The following TMEM248 variants were observed in gnomAD, a reference collection of about 807,000 sequenced individuals.
The protein encoded by TMEM248 is transmembrane protein 248.
TMEM248 carries 9 observed loss-of-function variants against 30.3 expected under a neutral mutation model. That is an observed-to-expected ratio of 0.30 (90% confidence interval 0.18 to 0.52). The LOEUF is 0.52. TMEM248 is among the 20% of genes least tolerant of loss of function. TMEM248 has a pLI of 0.97. For missense variants in TMEM248, 338 were observed against 403.3 expected, an observed-to-expected ratio of 0.84 and a Z score of 1.39; for synonymous variants, 184 against 154.4, an observed-to-expected ratio of 1.19 and a Z score of -1.42.
At chr7:66,931,318 AAAAG>A (rs1269374689) in intron 1 of TMEM248, among the ~76,000 whole-genome samples, 34 of 150,114 alleles carry the variant, frequency 2.3e-4, no homozygotes, top group Non-Finnish European at 4.1e-4. Flanking sequence ...AAAAAAAAAA[AAAAG>A]AACAGTTTAA....
chr7:66,926,947 A>G (rs1791542221), intron 1 of TMEM248, among the ~76,000 whole-genome samples: 1 of 152,170 alleles, frequency 6.6e-6, no homozygotes, highest in Non-Finnish European at 1.5e-5. Flanking sequence ...GCTGTTTTTC[A>G]AACATGTCCC....
intron 1 of TMEM248, among the ~76,000 whole-genome samples, chr7:66,924,558 C>T (rs1374771292): frequency 6.6e-6 from 1 of 152,300 alleles, no homozygotes; most frequent in South Asian, 2.1e-4. Flanking sequence ...ATGCCCGCCA[C>T]CATGCCTGGC....
chr7:66,933,082 A>G (rs906076261), intron 1 of TMEM248, among the ~76,000 whole-genome samples: 3 of 151,566 alleles, frequency 2.0e-5, no homozygotes, highest in Non-Finnish European at 4.4e-5. Context: ...CTGGTCTCGA[A>G]CTCCTGACCT....
At chr7:66,939,180 A>G (rs529012521) in intron 1 of TMEM248, among the ~76,000 whole-genome samples, 1 of 152,344 alleles carries the variant, frequency 6.6e-6, no homozygotes, top group East Asian at 1.9e-4. Flanking sequence ...CTGCTGGGGA[A>G]GTGTAAACTG....
rs575585827 is a variant in TMEM248 at position 66,947,803 on chromosome 7, G to A, written c.446-741G>A. Among the ~76,000 whole-genome samples the A allele has an allele frequency of 8.0e-5, 12 of 149,290 alleles. No individual in the cohort carries two copies. The East Asian group carries it at 1.2e-3, about 15-fold the overall frequency. On this transcript the variant is annotated intron_variant, in intron 3 of 6. Transcript: ENST00000341567. ...TTTTGAGACTGGGTCTTGATCTGTC[G>A]CCAGGCTAGAGTGCAGTGGTGTGAT...
intron 1 of TMEM248, among the ~76,000 whole-genome samples, chr7:66,934,416 A>G (rs1384743209): frequency 6.6e-6 from 1 of 152,088 alleles, no homozygotes; most frequent in Non-Finnish European, 1.5e-5. Flanking sequence ...AGTCAGGCAG[A>G]TCTCGAACGC....
At chr7:66,951,423 C>T (rs1221468217) in intron 5 of TMEM248, 1 of 281,102 alleles carries the variant, frequency 3.6e-6, no homozygotes, top group Admixed American at 5.2e-5. Context: ...TACAAGGGAT[C>T]CTTCTATTAA....
rs1423975580 is a variant in TMEM248, at chr7:66,948,616, T to G, written c.518T>G (p.Leu173Arg). ...PTAWSSDDCA[L>R]HGHCEQVVFT... ...GCGTGGAGCTCAGATGACTGCGCCC[T>G]CCACGGTCACTGTGAGCAGGTGGTA... The change falls in exon 4 of 7, where the codon CTC becomes CGC. Residue 173 changes from leucine to arginine, a missense_variant. Physicochemically the swap from Leu to Arg is moderately radical, Grantham distance 102. Coordinates refer to ENST00000341567, the MANE Select transcript of TMEM248 (RefSeq NM_017994.5). The G allele has an allele frequency of 3.1e-6, 5 of 1,614,140 alleles. No individual in the cohort carries two copies. The highest frequency in any genetic ancestry group is 4.2e-6 in the Non-Finnish European group (5 of 1,179,992).
At chr7:66,932,660 G>A (rs960442436) in intron 1 of TMEM248, among the ~76,000 whole-genome samples, 2 of 147,314 alleles carry the variant, frequency 1.4e-5, no homozygotes, top group Admixed American at 6.9e-5. Context: ...GATTACAGGC[G>A]CACGCTGCCA....
intron 2 of TMEM248, among the ~76,000 whole-genome samples, chr7:66,943,539 T>C (rs1162994269): frequency 1.3e-5 from 2 of 152,216 alleles, no homozygotes; most frequent in Non-Finnish European, 2.9e-5. Context: ...AACTTAATGC[T>C]GATTTTACCT....
intron 1 of TMEM248, among the ~76,000 whole-genome samples, chr7:66,928,768 TA>T (rs1348071431): frequency 2.7e-5 from 4 of 149,666 alleles, no homozygotes; most frequent in Admixed American, 6.8e-5. Context: ...GATTGACTCT[TA>T]AAAAAATTTT....
rs970008974 is a variant in TMEM248, at chr7:66,957,070, C to T, written c.*1548C>T. 71 of 152,668 alleles carry T rather than the reference C, an allele frequency of 4.7e-4. No individual in the cohort carries two copies. Among genetic ancestry groups the T allele is most frequent in the African/African-American group, 1.6e-3 (67 of 41,540 alleles). 9.5% of individuals were successfully genotyped at this position (152,668 alleles called of 1,614,324 possible). The stretch of plus-strand genomic sequence containing the variant: ...AAACCATACATTATCTTTTCCAGTC[C>T]TTTCTTGTATTCTTACTGTTTTTTT... On this transcript the variant is annotated 3_prime_UTR_variant, in exon 7 of 7. Transcript: ENST00000341567.
intron 1 of TMEM248, among the ~76,000 whole-genome samples, chr7:66,934,471 G>A (rs1001387265): frequency 6.6e-6 from 1 of 152,218 alleles, no homozygotes; most frequent in African/African-American, 2.4e-5. Context: ...AAAGTGCTGG[G>A]ATTACAGGCG....
rs562715089 is a variant in TMEM248, at chr7:66,941,708, T to TA, written c.-18-139dup. On this transcript the variant is annotated intron_variant, in intron 1 of 6. Transcript: ENST00000341567. The stretch of plus-strand genomic sequence containing the variant: ...TTCCTTCTAGTCTTTTGAATGAAGT[T>TA]ATGATCCGACATTTCTCAAATTCAG... 63 of 659,160 alleles carry TA rather than the reference T, an allele frequency of 9.6e-5. 1 individual carries two copies. In the East Asian group the frequency reaches 1.6e-3, roughly 17 times the overall value. The allele number at this position is 659,160 out of a possible 1,614,324, so 40.8% of individuals were successfully genotyped here.
intron 1 of TMEM248, among the ~76,000 whole-genome samples, chr7:66,923,881 G>A (rs1318234329): frequency 6.6e-6 from 1 of 152,236 alleles, no homozygotes; most frequent in East Asian, 1.9e-4. Context: ...GGCCAGGCTG[G>A]TCTCAAACCC....
intron 1 of TMEM248, among the ~76,000 whole-genome samples, chr7:66,925,662 G>A (rs1791503271): frequency 6.6e-6 from 1 of 151,526 alleles, no homozygotes; most frequent in African/African-American, 2.4e-5. Context: ...TGGGATTGCT[G>A]GATCATGAAA....
rs764399230 is a variant in TMEM248 at position 66,942,027 on chromosome 7, A to G, written c.159+3A>G. ...TTAAATCCCCAGAAATGGCAGAGGTATAGTATGCTCTGACTTCTCCCGGGC... is the reference window on the plus strand; with the variant it reads ...TTAAATCCCCAGAAATGGCAGAGGTGTAGTATGCTCTGACTTCTCCCGGGC... On this transcript the variant is annotated splice_donor_region_variant and intron_variant, in intron 2 of 6. Transcript: ENST00000341567. 9 of 1,613,596 alleles carry G rather than the reference A, an allele frequency of 5.6e-6. No individual in the cohort carries two copies. The African/African-American group carries it at 1.2e-4, about 22-fold the overall frequency.
rs34925648 is a variant in TMEM248 at position 66,953,939 on chromosome 7, CTTTTTTTTTTTTTT to C, written c.924+581_924+594del. Among the ~76,000 whole-genome samples, 6 of 83,996 alleles carry C rather than the reference CTTTTTTTTTTTTTT, an allele frequency of 7.1e-5. No homozygotes were observed. The South Asian group carries it at 1.8e-3, about 25-fold the overall frequency. 55.1% of individuals were successfully genotyped at this position (83,996 alleles called of 152,430 possible). On this transcript the variant is annotated intron_variant, in intron 6 of 6. Coordinates refer to ENST00000341567, the MANE Select transcript of TMEM248 (RefSeq NM_017994.5). The stretch of plus-strand genomic sequence containing the variant: ...GTAACGTTAATCTCTAGATTACTTT[CTTTTTTTTTTTTTT>C]TTTTTTTTTTGAGAGAGTTTTGCTC...
In TMEM248 at chr7:66,935,251, C is replaced by CT. The variant is rs1791772588; in HGVS notation, c.-18-6597_-18-6596insT. On this transcript the variant is annotated intron_variant, in intron 1 of 6. Transcript: ENST00000341567. ...AGGCTGGAGTGCAGTGGCGCAATCT[C>CT]AGCTCACTGCAACCTCCACCTCCTG... is the stretch of plus-strand genomic sequence containing the variant. Among the ~76,000 whole-genome samples, 3 of 150,548 alleles carry CT rather than the reference C, an allele frequency of 2.0e-5. No homozygotes were observed. The South Asian group carries it at 6.4e-4, about 32-fold the overall frequency.
Sources: gnomAD v4.1 joint callset for allele counts (sites outside exome capture counted in the v4.1 genomes callset) on GRCh38, gnomAD v4.1.1 for gene constraint, MANE v1.5 for transcripts, NCBI Gene and HGNC (gene_info 2026-07-23, HGNC 2026-07-21) for gene names.